CRPPA: variants seen among roughly 807,000 people sequenced by gnomAD.
The protein encoded by CRPPA is CDP-L-ribitol pyrophosphorylase A, also known as D-ribitol-5-phosphate cytidylyltransferase.
A neutral mutation model predicts 52.0 loss-of-function variants in CRPPA; 43 were observed. The observed-to-expected ratio is 0.83, with a 90% CI of 0.65 to 1.07. The LOEUF (loss-of-function observed/expected upper bound fraction) is 1.07, where lower values mean the gene tolerates loss of function less well. Among genes scored for constraint, CRPPA ranks in the 50% least tolerant of loss-of-function variants. The pLI is 0.00. For missense variants in CRPPA, 629 were observed against 551.7 expected (o/e 1.14, Z -1.40); for synonymous variants, 250 against 203.5 (o/e 1.23, Z -1.94).
At chr7:16,303,061 A>C (rs1014029305) in intron 4 of CRPPA, among the ~76,000 whole-genome samples, 1 of 152,222 alleles carries the variant, frequency 6.6e-6, no homozygotes, top group East Asian at 1.9e-4. Flanking sequence ...GAAGTACGTT[A>C]GCTATGTAGG....
intron 9 of CRPPA, among the ~76,000 whole-genome samples, chr7:16,142,585 A>C (rs1040070745): frequency 1.3e-5 from 2 of 152,204 alleles, no homozygotes; most frequent in African/African-American, 4.8e-5. Context: ...TCTTTAAGTA[A>C]AATCTGTGAT....
At chr7:16,413,170 T>C (rs1788110850) in intron 1 of CRPPA, among the ~76,000 whole-genome samples, 1 of 152,200 alleles carries the variant, frequency 6.6e-6, no homozygotes, top group Non-Finnish European at 1.5e-5. Flanking sequence ...ATACTGACCC[T>C]GACGTTTTAG....
chr7:16,183,148 G>A (rs1341334427), intron 9 of CRPPA, among the ~76,000 whole-genome samples: 1 of 152,034 alleles, frequency 6.6e-6, no homozygotes, highest in Non-Finnish European at 1.5e-5. Flanking sequence ...TCAATAAGTG[G>A]TAGAGAAAAA....
intron 9 of CRPPA, among the ~76,000 whole-genome samples, chr7:16,115,903 TA>T (rs1331597018): frequency 6.6e-6 from 1 of 152,070 alleles, no homozygotes; most frequent in Non-Finnish European, 1.5e-5. Context: ...CAGAAAGACA[TA>T]GATGGCACAA....
At chr7:16,382,779 C>T (rs183142847) in intron 2 of CRPPA, among the ~76,000 whole-genome samples, 2,278 of 152,152 alleles carry the variant, frequency 0.015, 26 homozygotes, top group South Asian at 0.066. Flanking sequence ...TCCAGTTGAT[C>T]GCATCGGCTC....
At chr7:16,387,044 G>GATATAT (rs57024916) in intron 2 of CRPPA, among the ~76,000 whole-genome samples, 69 of 95,962 alleles carry the variant, frequency 7.2e-4, no homozygotes, top group Non-Finnish European at 7.1e-4. Context: ...ATAAAAAAAA[G>GATATAT]ATATATATAT....
At chr7:16,115,291 A>T (rs149102800) in intron 9 of CRPPA, among the ~76,000 whole-genome samples, 436 of 152,296 alleles carry the variant, frequency 2.9e-3, no homozygotes, top group Admixed American at 5.6e-3. Flanking sequence ...CTGAAAGTAT[A>T]CTATGTGTAT....
intron 1 of CRPPA, among the ~76,000 whole-genome samples, chr7:16,413,209 G>A (rs1788111575): frequency 6.6e-6 from 1 of 152,176 alleles, no homozygotes; most frequent in African/African-American, 2.4e-5. Flanking sequence ...GCATGATGGG[G>A]CTGAATCTTG....
At chr7:16,227,862 T>A (rs1782691835) in intron 8 of CRPPA, among the ~76,000 whole-genome samples, 1 of 151,906 alleles carries the variant, frequency 6.6e-6, no homozygotes, top group Non-Finnish European at 1.5e-5. Flanking sequence ...CTTCTAGTAG[T>A]TTCATAGATT....
chr7:16,110,404 C>T (rs768228564), intron 9 of CRPPA, among the ~76,000 whole-genome samples: 1 of 151,964 alleles, frequency 6.6e-6, no homozygotes, highest in Non-Finnish European at 1.5e-5. Context: ...TGTCATTTTT[C>T]ATACAAATAA....
At chr7:16,300,251 T>C (rs930894427) in intron 5 of CRPPA, among the ~76,000 whole-genome samples, 1 of 152,218 alleles carries the variant, frequency 6.6e-6, no homozygotes, top group Admixed American at 6.5e-5. Flanking sequence ...TTTCATTTTC[T>C]GAATGTGAAG....
chr7:16,192,060 G>T (rs902988622), intron 9 of CRPPA, among the ~76,000 whole-genome samples: 7 of 151,958 alleles, frequency 4.6e-5, no homozygotes, highest in African/African-American at 1.7e-4. Flanking sequence ...TATAAAAAAG[G>T]GATGAAGTCT....
chr7:16,120,693 C>T (rs900110314), intron 9 of CRPPA, among the ~76,000 whole-genome samples: 1 of 152,042 alleles, frequency 6.6e-6, no homozygotes, highest in Non-Finnish European at 1.5e-5. Context: ...ACTGCAAAAC[C>T]TCATTGAAGT....
At chr7:16,377,903 C>T (rs753980592) in intron 2 of CRPPA, among the ~76,000 whole-genome samples, 2 of 152,054 alleles carry the variant, frequency 1.3e-5, no homozygotes, top group African/African-American at 2.4e-5. Flanking sequence ...CCCACCCATG[C>T]CCCAGAATAC....
chr7:16,335,410 A>G lies in CRPPA; in HGVS notation c.685-26783T>C, dbSNP rs76121892. 5.3e-3 allele frequency among the ~76,000 whole-genome samples: 808 copies of G among 152,294 alleles called. 8 individuals are homozygous for G. The highest frequency in any genetic ancestry group is 0.018 in the African/African-American group (743 of 41,586). On this transcript the variant is annotated intron_variant, in intron 3 of 9. Transcript: ENST00000407010. ...AAGAAATACAGATCTGAAATTTACTAAAGTGTGGGAAATAATTCATGAACA... is the reference window on the plus strand; with the variant it reads ...AAGAAATACAGATCTGAAATTTACTGAAGTGTGGGAAATAATTCATGAACA...
At chr7:16,343,006 A>C (rs2704679) in intron 3 of CRPPA, among the ~76,000 whole-genome samples, 137,963 of 151,078 alleles carry the variant, frequency 0.91, 63,150 homozygotes, top group Non-Finnish European at 0.95. Context: ...TGCCACTGCA[A>C]TCCAGCCTGA....
At chr7:16,168,817 C>T (rs1781119810) in intron 9 of CRPPA, among the ~76,000 whole-genome samples, 1 of 152,092 alleles carries the variant, frequency 6.6e-6, no homozygotes, top group Non-Finnish European at 1.5e-5. Flanking sequence ...TACTATATGG[C>T]TTTATTTACA....
At chr7:16,328,675 C>T (rs192373348) in intron 3 of CRPPA, among the ~76,000 whole-genome samples, 198 of 152,084 alleles carry the variant, frequency 1.3e-3, no homozygotes, top group African/African-American at 4.4e-3. Context: ...CCACCACGCC[C>T]GGTTAATTTT....
At chr7:16,150,803 G>T (rs1527204) in intron 9 of CRPPA, among the ~76,000 whole-genome samples, 4 of 152,226 alleles carry the variant, frequency 2.6e-5, no homozygotes, top group Admixed American at 2.6e-4. Context: ...CAGCAACTGG[G>T]AAGGGTCTTT....
Sources: gnomAD v4.1 joint callset for allele counts (sites outside exome capture counted in the v4.1 genomes callset) on GRCh38, gnomAD v4.1.1 for gene constraint, MANE v1.5 for transcripts, NCBI Gene and HGNC (gene_info 2026-07-23, HGNC 2026-07-21) for gene names.